Variants in BICC1 observed in about 807,000 individuals in gnomAD.
BICC1 encodes the protein protein bicaudal C homolog 1.
BICC1 carries 43 observed loss-of-function variants against 111.0 expected under a neutral mutation model. The observed-to-expected ratio is 0.39, with a 90% CI of 0.30 to 0.50. The LOEUF is 0.50. Among genes scored for constraint, BICC1 ranks in the 20% least tolerant of loss-of-function variants. BICC1 has a pLI of 0.88. For synonymous variants in BICC1, 467 were observed against 434.4 expected, an observed-to-expected ratio of 1.07 and a Z score of -0.93; for missense variants, 1,091 against 1,203.2, an observed-to-expected ratio of 0.91 and a Z score of 1.38.
At chr10:58,775,328 C>T (rs1029671530) in intron 3 of BICC1, among the ~76,000 whole-genome samples, 3 of 151,498 alleles carry the variant, frequency 2.0e-5, no homozygotes, top group Non-Finnish European at 4.4e-5. Flanking sequence ...GAGCTGAGAT[C>T]GTGCCACTGC....
intron 3 of BICC1, among the ~76,000 whole-genome samples, chr10:58,724,274 ACATAATCTGTAG>A (rs1841029399): frequency 6.6e-6 from 1 of 152,234 alleles, no homozygotes; most frequent in East Asian, 1.9e-4. Context: ...CTTCCTAGTT[ACATAATCTGTAG>A]TTATTATATA....
At chr10:58,746,970 C>T (rs1404499199) in intron 3 of BICC1, among the ~76,000 whole-genome samples, 3 of 152,088 alleles carry the variant, frequency 2.0e-5, no homozygotes, top group Non-Finnish European at 4.4e-5. Context: ...TTGGCTTTCT[C>T]CTTTCCCTCC....
intron 1 of BICC1, among the ~76,000 whole-genome samples, chr10:58,611,365 C>G (rs1038128202): frequency 2.0e-5 from 3 of 152,128 alleles, no homozygotes; most frequent in Admixed American, 6.6e-5. Context: ...AACACATTCA[C>G]TATGTATCCA....
chr10:58,639,099 C>G (rs909646515), intron 2 of BICC1, among the ~76,000 whole-genome samples: 3 of 152,074 alleles, frequency 2.0e-5, no homozygotes, highest in Non-Finnish European at 4.4e-5. Context: ...CACCTAAAAT[C>G]TACTCAGCAA....
chr10:58,535,991 T>C (rs1379683147), intron 1 of BICC1, among the ~76,000 whole-genome samples: 2 of 150,662 alleles, frequency 1.3e-5, no homozygotes, highest in Non-Finnish European at 3.0e-5. Flanking sequence ...AAGGTCATTA[T>C]ACAATGATAA....
intron 2 of BICC1, among the ~76,000 whole-genome samples, chr10:58,683,600 CT>C (rs1456272726): frequency 6.6e-6 from 1 of 152,228 alleles, no homozygotes; most frequent in South Asian, 2.1e-4. Context: ...CCTTCACAAA[CT>C]TTTAAGTTGG....
At chr10:58,730,765 A>T (rs1485765089) in intron 3 of BICC1, among the ~76,000 whole-genome samples, 1 of 152,094 alleles carries the variant, frequency 6.6e-6, no homozygotes, top group Non-Finnish European at 1.5e-5. Flanking sequence ...CCTGAGTGGT[A>T]CCTTTGCTCT....
intron 1 of BICC1, among the ~76,000 whole-genome samples, chr10:58,601,925 T>G (rs1028718219): frequency 1.3e-5 from 2 of 152,128 alleles, no homozygotes; most frequent in African/African-American, 4.8e-5. Context: ...TAGAAAGATA[T>G]TCTAGAGAAT....
chr10:58,622,119 C>T (rs1403580315), intron 2 of BICC1, among the ~76,000 whole-genome samples: 1 of 143,610 alleles, frequency 7.0e-6, no homozygotes, highest in East Asian at 2.1e-4. Context: ...GAAGTTGAGA[C>T]TGCAGTGAGC....
At chr10:58,620,950 C>T (rs1845784414) in intron 2 of BICC1, 49 bp downstream of exon 2, 3 of 1,532,904 alleles carry the variant, frequency 2.0e-6, no homozygotes, top group Non-Finnish European at 2.7e-6. Flanking sequence ...AGGAAATATA[C>T]TTATCTCAAC....
chr10:58,529,243 T>C (rs958816545), intron 1 of BICC1, among the ~76,000 whole-genome samples: 4 of 152,068 alleles, frequency 2.6e-5, no homozygotes, highest in South Asian at 2.1e-4. Flanking sequence ...TCAAGCTTCA[T>C]GTGCCAGTAT....
At chr10:58,680,902 G>A (rs942740812) in intron 2 of BICC1, among the ~76,000 whole-genome samples, 1 of 152,166 alleles carries the variant, frequency 6.6e-6, no homozygotes, top group Non-Finnish European at 1.5e-5. Flanking sequence ...TGACAAACCT[G>A]ACAAAAACAA....
chr10:58,559,376 G>A (rs1324307119), intron 1 of BICC1, among the ~76,000 whole-genome samples: 6 of 151,420 alleles, frequency 4.0e-5, no homozygotes, highest in Non-Finnish European at 8.8e-5. Flanking sequence ...AAATGAGATT[G>A]CTTTCTTGAA....
intron 2 of BICC1, among the ~76,000 whole-genome samples, chr10:58,639,719 A>ATT (rs71033694): frequency 0.59 from 55,047 of 93,132 alleles, 18,242 homozygotes; most frequent in Middle Eastern, 0.7. Context: ...GCCCGGCCAA[A>ATT]TTTTTTTTTT....
intron 3 of BICC1, among the ~76,000 whole-genome samples, chr10:58,770,378 C>T (rs954674541): frequency 3.3e-5 from 5 of 152,002 alleles, no homozygotes; most frequent in African/African-American, 9.7e-5. Flanking sequence ...TCATAAACTG[C>T]AGAGTGAACC....
At chr10:58,798,589 T>A in intron 11 of BICC1, 29 bp downstream of exon 11, 1 of 1,528,556 alleles carries the variant, frequency 6.5e-7, no homozygotes, top group South Asian at 1.3e-5. Context: ...TATTCCAAGT[T>A]GTGTATTCTT....
At chr10:58,681,492 T>G (rs748988233) in intron 2 of BICC1, among the ~76,000 whole-genome samples, 8 of 152,154 alleles carry the variant, frequency 5.3e-5, no homozygotes, top group Non-Finnish European at 1.2e-4. Context: ...CATTAAAATG[T>G]CAGGAAACAG....
intron 1 of BICC1, among the ~76,000 whole-genome samples, chr10:58,595,550 G>A (rs553658433): frequency 1.2e-3 from 177 of 152,278 alleles, no homozygotes; most frequent in African/African-American, 4.2e-3. Flanking sequence ...TAGAACTCAG[G>A]ATTAAAAAAC....
chr10:58,668,707 C>G (rs1486680758), intron 2 of BICC1, among the ~76,000 whole-genome samples: 2 of 152,038 alleles, frequency 1.3e-5, no homozygotes, highest in African/African-American at 2.4e-5. Context: ...AAACCAGAAC[C>G]TAGGAACTTG....
Sources: allele counts gnomAD v4.1 joint callset (sites outside exome capture counted in the v4.1 genomes callset), GRCh38; gene constraint gnomAD v4.1.1; transcripts MANE v1.5; gene names NCBI Gene and HGNC (gene_info 2026-07-23, HGNC 2026-07-21).